TRABD: variants seen among roughly 807,000 people sequenced by gnomAD.
The protein encoded by TRABD is TraB domain containing.
TRABD carries 23 observed loss-of-function variants against 39.6 expected under a neutral mutation model. That is an observed-to-expected ratio of 0.58 (90% CI 0.42 to 0.82). The LOEUF is 0.82. Among genes scored for constraint, TRABD ranks in the 40% least tolerant of loss-of-function variants. The probability of loss-of-function intolerance (pLI) is 0.00; values close to 1 mark genes in which losing one functional copy is unlikely to be tolerated. For synonymous variants in TRABD, 243 were observed against 232.1 expected (o/e 1.05, Z -0.43); for missense variants, 487 against 544.9 (o/e 0.89, Z 1.06).
At chr22:50,193,846 G>GGAGC (rs1424027835) in intron 3 of TRABD, among the ~76,000 whole-genome samples, 192 bp downstream of exon 3, 1 of 152,246 alleles carries the variant, frequency 6.6e-6, no homozygotes, top group Non-Finnish European at 1.5e-5. Context: ...GCCTGGCAGT[G>GGAGC]GAGCCTCTTG....
rs998721010 is a variant in TRABD at position 50,197,542 on chromosome 22, A to C, written c.625A>C (p.Lys209Gln). ...CATCGCAGCGCTCTCCTTCTGGCAG[A>C]AGGTCAGGCTGGCTTGGGGCCTGTG... ...RAIAALSFWQ[K>Q]VRLAWGLCFL... The change falls in exon 7 of 10, where the codon AAG (lysine) becomes CAG (glutamine). Residue 209 changes from lysine (K) to glutamine (Q), a missense_variant. Transcript: ENST00000380909. The C allele has an allele frequency of 6.2e-7, 1 of 1,613,490 alleles. No individual in the cohort carries two copies. The highest frequency in any genetic ancestry group is 1.3e-5 in the African/African-American group (1 of 74,900).
At position 50,199,206 on chromosome 22, in the gene TRABD, C is replaced by A; in HGVS notation, c.*687C>A. The A allele has an allele frequency of 1.4e-6, 1 of 701,784 alleles. No homozygotes were observed. Among genetic ancestry groups the A allele is most frequent in the Non-Finnish European group, 2.7e-6 (1 of 376,398 alleles). The allele number at this position is 701,784 out of a possible 1,614,324, so 43.5% of individuals were successfully genotyped here. On this transcript the variant is annotated 3_prime_UTR_variant, in exon 10 of 10. Coordinates refer to ENST00000380909, the MANE Select transcript of TRABD (RefSeq NM_001320485.2). ...CTTGGGTCTGTCCCGAGTGGGCTCG[C>A]GTGCAGCCAAACATCAGCTCTGGGT...
At chr22:50,197,041 G>A (rs963046514) in intron 5 of TRABD, 200 bp from the exon 6 acceptor site, 77 of 585,400 alleles carry the variant, frequency 1.3e-4, no homozygotes, top group South Asian at 2.5e-4. Context: ...AGAAGTGCCT[G>A]TTGGGACAGA....
intron 1 of TRABD, 75 bp from the exon 2 acceptor site, chr22:50,192,952 A>G (rs1402139191): frequency 1.5e-6 from 2 of 1,340,174 alleles, no homozygotes; most frequent in Admixed American, 4.0e-5. Context: ...CTAGACTGAC[A>G]GGGCACTACG....
In TRABD at chr22:50,198,541, G is replaced by A. The variant is rs766829784; in HGVS notation, c.*22G>A. ...GTAGGAGACTGCTCCCCGCCCGCTCGGGCCCCTGAGGAGCCAGTGCCCCCG... is the reference window on the plus strand; with the variant it reads ...GTAGGAGACTGCTCCCCGCCCGCTCAGGCCCCTGAGGAGCCAGTGCCCCCG... On this transcript the variant is annotated 3_prime_UTR_variant, in exon 10 of 10. Coordinates refer to ENST00000380909, the MANE Select transcript of TRABD (RefSeq NM_001320485.2). This position sits in a 1 kb window ranked among gnomAD's most constrained non-coding sequence, Gnocchi z 7.9. 53 of 1,495,276 alleles carry A rather than the reference G, an allele frequency of 3.5e-5. No homozygotes were observed. The highest frequency in any genetic ancestry group is 4.6e-5 in the Admixed American group (2 of 43,780). 92.6% of individuals were successfully genotyped at this position (1,495,276 alleles called of 1,614,324 possible).
At chr22:50,195,381 T>C (rs2147122590) in intron 5 of TRABD, among the ~76,000 whole-genome samples, 1 of 152,074 alleles carries the variant, frequency 6.6e-6, no homozygotes, top group Non-Finnish European at 1.5e-5. Flanking sequence ...TGGGTGGGGC[T>C]CAGGGCTCCT....
At chr22:50,188,441 A>G (rs150690789) in intron 1 of TRABD, among the ~76,000 whole-genome samples, 3 of 152,150 alleles carry the variant, frequency 2.0e-5, no homozygotes, top group Non-Finnish European at 4.4e-5. Context: ...AACTTAACAG[A>G]AATTTATTTT....
In TRABD at chr22:50,198,334, C is replaced by T. The variant is rs1159142134; in HGVS notation, c.957-11C>T. On this transcript the variant is annotated splice_polypyrimidine_tract_variant and intron_variant, in intron 9 of 9. Transcript: ENST00000380909. The surrounding 1 kb of genome is among the most constrained non-coding windows in gnomAD (Gnocchi z 7.9). ...CCCCCAGCCAGGCCCAGCGCCCCCT[C>T]CCTCCCACAGCGTGCCCCCGCCGTC... 1 of 1,557,810 alleles carries T rather than the reference C, an allele frequency of 6.4e-7. No individual in the cohort carries two copies. The highest frequency in any genetic ancestry group is 2.3e-5 in the East Asian group (1 of 43,878).
At chr22:50,188,668 C>T (rs1282757237) in intron 1 of TRABD, among the ~76,000 whole-genome samples, 2 of 152,216 alleles carry the variant, frequency 1.3e-5, no homozygotes, top group Admixed American at 1.3e-4. Context: ...CCTTCTAATA[C>T]CTTCATAGTG....
chr22:50,193,902 C>T (rs949551589), intron 3 of TRABD, among the ~76,000 whole-genome samples: 2 of 152,278 alleles, frequency 1.3e-5, no homozygotes, highest in African/African-American at 2.4e-5. Context: ...ATGGGGGGCT[C>T]GTGAGCACAA....
Position 50,199,455 on chromosome 22 carries a change from T to TGGACCCA in TRABD, c.*939_*945dup. On this transcript the variant is annotated 3_prime_UTR_variant, in exon 10 of 10. Transcript: ENST00000380909. The stretch of plus-strand genomic sequence containing the variant: ...GGACACAGCCCGTGCAGCCCCAGCC[T>TGGACCCA]GGACCCAGGCCATCTCTGGTTGTGT... The TGGACCCA allele has an allele frequency of 4.0e-6, 1 of 250,104 alleles. No homozygotes were observed. The highest frequency in any genetic ancestry group is 7.6e-6 in the Non-Finnish European group (1 of 131,248). The allele number at this position is 250,104 out of a possible 1,614,324, so 15.5% of individuals were successfully genotyped here. A position where few individuals can be genotyped will look rare whatever the true frequency, so the allele number is the denominator to read the frequency against.
In TRABD at chr22:50,198,916, C is replaced by T. The variant is rs1032968257; in HGVS notation, c.*397C>T. ...TCCTGTGCTCCGGCCACAGGAGCGT[C>T]GGCCCAGGGGCGGCTCCTGGGGGCT... On this transcript the variant is annotated 3_prime_UTR_variant, in exon 10 of 10. Coordinates refer to ENST00000380909, the MANE Select transcript of TRABD (RefSeq NM_001320485.2). This position sits in a 1 kb window ranked among gnomAD's most constrained non-coding sequence, Gnocchi z 7.9. 11 of 581,790 alleles carry T rather than the reference C, an allele frequency of 1.9e-5. No individual in the cohort carries two copies. The highest frequency in any genetic ancestry group is 6.1e-5 in the South Asian group (3 of 48,870). The allele number at this position is 581,790 out of a possible 1,614,324, so 36.0% of individuals were successfully genotyped here. A position where few individuals can be genotyped will look rare whatever the true frequency, so the allele number is the denominator to read the frequency against.
intron 1 of TRABD, among the ~76,000 whole-genome samples, chr22:50,186,824 A>G (rs2063772135): frequency 1.3e-5 from 2 of 152,236 alleles, no homozygotes; most frequent in African/African-American, 4.8e-5. Flanking sequence ...GGTCTTTTTA[A>G]CTGAGCTATC....
At chr22:50,197,763 A>AGGCCCCCCCCCCCCCCCCCCGT in intron 7 of TRABD, 60 bp from the exon 8 acceptor site, 2 of 1,439,782 alleles carry the variant, frequency 1.4e-6, no homozygotes, top group Middle Eastern at 2.0e-4. Context: ...CCACAGTGCC[A>AGGCCCCCCCCCCCCCCCCCCGT]GCCCCACCCC....
Position 50,199,039 on chromosome 22 carries a change from C to T in TRABD, c.*520C>T, listed in dbSNP as rs1342071227. The T allele has an allele frequency of 1.1e-5, 8 of 699,276 alleles. No individual in the cohort carries two copies. The highest frequency in any genetic ancestry group is 3.0e-5 in the South Asian group (2 of 65,860). 43.3% of individuals were successfully genotyped at this position (699,276 alleles called of 1,614,324 possible). On this transcript the variant is annotated 3_prime_UTR_variant, in exon 10 of 10. Transcript: ENST00000380909. ...GCCCTGGCCGCCACCTCCCTGGCAC[C>T]GTCTGCCTGCAGGGATTCTGTGTTT...
rs748894592 is a variant in TRABD at position 50,194,331 on chromosome 22, C to A, written c.113-9C>A. On this transcript the variant is annotated splice_polypyrimidine_tract_variant and intron_variant, in intron 3 of 9. Transcript: ENST00000380909. The stretch of plus-strand genomic sequence containing the variant: ...CCCGGCACCACAACGGCCTGTGCTG[C>A]TGTTGCAGCCGACGTGGACGCCTTC... The A allele has an allele frequency of 1.2e-6, 2 of 1,610,380 alleles. No homozygotes were observed. Among genetic ancestry groups the A allele is most frequent in the Admixed American group, 3.3e-5 (2 of 59,838 alleles).
rs540027560 is a variant in TRABD, at chr22:50,197,667, C to T, written c.671+79C>T. 1.0e-5 allele frequency: 16 copies of T among 1,584,208 alleles called. No individual in the cohort carries two copies. In the African/African-American group the frequency reaches 1.6e-4, roughly 16 times the overall value. ...CCAGGCCCTCCTGTGCAGGTCCAAGCGCAGCCAATCCTCACTCAAGGCCTT... is the reference window on the plus strand; with the variant it reads ...CCAGGCCCTCCTGTGCAGGTCCAAGTGCAGCCAATCCTCACTCAAGGCCTT... On this transcript the variant is annotated intron_variant, in intron 7 of 9. Coordinates refer to ENST00000380909, the MANE Select transcript of TRABD (RefSeq NM_001320485.2).
chr22:50,188,835 C>T (rs1177025524), intron 1 of TRABD, among the ~76,000 whole-genome samples: 2 of 152,206 alleles, frequency 1.3e-5, no homozygotes, highest in Admixed American at 6.5e-5. Flanking sequence ...AGACAGCCGT[C>T]TCTGACGCCA....
rs1602464575 is a variant in TRABD at position 50,197,180 on chromosome 22, A to G, written c.421-61A>G. 15 of 1,518,044 alleles carry G rather than the reference A, an allele frequency of 9.9e-6. No homozygotes were observed. In the East Asian group the frequency reaches 3.4e-4, roughly 34 times the overall value. 94.0% of individuals were successfully genotyped at this position (1,518,044 alleles called of 1,614,324 possible). On this transcript the variant is annotated intron_variant, in intron 5 of 9. Transcript: ENST00000380909. ...TGCTGCCTGCCATCCCAGTTCTGCC[A>G]TTCCCCCAGCGCACCCCCGCACCCG... is the stretch of plus-strand genomic sequence containing the variant.
Sources: allele counts gnomAD v4.1 joint callset (sites outside exome capture counted in the v4.1 genomes callset), GRCh38; gene constraint gnomAD v4.1.1; non-coding constraint Gnocchi (gnomAD v3.1); transcripts MANE v1.5; gene names NCBI Gene and HGNC (gene_info 2026-07-23, HGNC 2026-07-21).